Variants in PPP4R3B observed in about 807,000 individuals in gnomAD.
PPP4R3B encodes the protein protein phosphatase 4 regulatory subunit 3B.
Under a neutral mutation model 95.4 loss-of-function variants are expected in PPP4R3B, and 52 were observed. The ratio of observed to expected loss-of-function variants is 0.54; its 90% CI spans 0.44 to 0.69. The LOEUF (loss-of-function observed/expected upper bound fraction) is 0.69, where lower values mean the gene tolerates loss of function less well. Among genes scored for constraint, PPP4R3B ranks in the 30% least tolerant of loss-of-function variants. PPP4R3B has a pLI of 0.00. For missense variants in PPP4R3B, 1,003 were observed against 1,005.9 expected (o/e 1.00, Z 0.04); for synonymous variants, 407 against 343.9 (o/e 1.18, Z -2.03).
intron 10 of PPP4R3B, 84 bp from the exon 11 acceptor site, chr2:55,577,440 T>A (rs545446340): frequency 1.6e-6 from 2 of 1,222,720 alleles, no homozygotes; most frequent in Admixed American, 3.9e-5. Flanking sequence ...ATACAATGCA[T>A]GTCTTCAATC....
intron 12 of PPP4R3B, among the ~76,000 whole-genome samples, chr2:55,569,470 T>C (rs570469577): frequency 1.3e-5 from 2 of 152,348 alleles, no homozygotes; most frequent in South Asian, 2.1e-4. Context: ...TCCACCTTTA[T>C]GTTCCATCCT....
rs745737853 is a variant in PPP4R3B at position 55,550,002 on chromosome 2, C to G, written c.2459G>C (p.Ser820Thr). 3 of 1,601,620 alleles carry G rather than the reference C, an allele frequency of 1.9e-6. No individual in the cohort carries two copies. Among genetic ancestry groups the G allele is most frequent in the Non-Finnish European group, 2.5e-6 (3 of 1,177,026 alleles). Residue 820 changes from serine (S) to threonine (T), a missense_variant, in exon 17 of 17, where the codon AGT becomes ACT. Transcript: ENST00000616407. ...LPTSVTATKGSLVGLVDYPDD... is the reference protein window; with the variant it reads ...LPTSVTATKGTLVGLVDYPDD... ...TGGATAATCCACTAAGCCAACCAAA[C>G]TTCCCTATTGAAGAATTTAAAAATT...
chr2:55,593,450 C>T (rs1385550792), intron 4 of PPP4R3B, among the ~76,000 whole-genome samples: 2 of 152,162 alleles, frequency 1.3e-5, no homozygotes, highest in South Asian at 2.1e-4. Flanking sequence ...CTTACATATT[C>T]ACTTGCCTTC....
chr2:55,617,378 G>T lies in PPP4R3B; in HGVS notation c.-93C>A. The T allele has an allele frequency of 7.3e-7, 1 of 1,360,808 alleles. No individual in the cohort carries two copies. Among genetic ancestry groups the T allele is most frequent in the African/African-American group, 1.5e-5 (1 of 67,562 alleles). 84.3% of individuals were successfully genotyped at this position (1,360,808 alleles called of 1,614,324 possible). On this transcript the variant is annotated 5_prime_UTR_variant, in exon 1 of 17. Coordinates refer to ENST00000616407, the MANE Select transcript of PPP4R3B (RefSeq NM_001122964.3). ...AGGAGACGGTAAAGGCAGTAGTGGC[G>T]GTGGCGGCGGCGGCGGCTTCGGAGA...
chr2:55,596,239 G>A (rs1574855693), intron 4 of PPP4R3B, among the ~76,000 whole-genome samples: 1 of 152,150 alleles, frequency 6.6e-6, no homozygotes, highest in East Asian at 1.9e-4. Context: ...TGAGGCCGAA[G>A]CAAATCTGAC....
intron 16 of PPP4R3B, among the ~76,000 whole-genome samples, chr2:55,552,287 G>T (rs1685339119): frequency 6.6e-6 from 1 of 151,676 alleles, no homozygotes; most frequent in Non-Finnish European, 1.5e-5. Flanking sequence ...TAAAATAGCA[G>T]ATTGAAATTA....
intron 2 of PPP4R3B, among the ~76,000 whole-genome samples, chr2:55,611,873 T>C (rs749217405): frequency 2.0e-5 from 3 of 152,028 alleles, no homozygotes; most frequent in Non-Finnish European, 4.4e-5. Context: ...GCACTATAGC[T>C]GCGCACCACC....
chr2:55,600,206 C>G (rs1692346868), intron 3 of PPP4R3B, among the ~76,000 whole-genome samples: 1 of 152,036 alleles, frequency 6.6e-6, no homozygotes, highest in Admixed American at 6.6e-5. Flanking sequence ...TTGGGCGGAT[C>G]ACCTGAGGTC....
intron 15 of PPP4R3B, 86 bp from the exon 16 acceptor site, chr2:55,559,054 T>C (rs1009782768): frequency 6.2e-6 from 7 of 1,120,248 alleles, no homozygotes; most frequent in African/African-American, 1.6e-5. Flanking sequence ...AAAAAACTTA[T>C]AAAACATTGC....
At position 55,599,116 on chromosome 2, in the gene PPP4R3B, A is replaced by G. The variant is rs1692207550; in HGVS notation, c.298-77T>C. 3.0e-6 allele frequency: 4 copies of G among 1,314,400 alleles called. No individual in the cohort carries two copies. In the South Asian group the frequency reaches 6.0e-5, roughly 20 times the overall value. The allele number at this position is 1,314,400 out of a possible 1,614,324, so 81.4% of individuals were successfully genotyped here. A position where few individuals can be genotyped will look rare whatever the true frequency, so the allele number is the denominator to read the frequency against. Reference sequence around the variant, plus strand: ...AAATTTTGGAAATCAAATCATTTGGAAATGCCTGGCTAGTCACTACTAATT... The same window carrying G: ...AAATTTTGGAAATCAAATCATTTGGGAATGCCTGGCTAGTCACTACTAATT... On this transcript the variant is annotated intron_variant, in intron 3 of 16. Coordinates refer to ENST00000616407, the MANE Select transcript of PPP4R3B (RefSeq NM_001122964.3).
chr2:55,572,203 C>G (rs1258257832), intron 12 of PPP4R3B, among the ~76,000 whole-genome samples: 3 of 143,604 alleles, frequency 2.1e-5, no homozygotes, highest in Non-Finnish European at 4.6e-5. Flanking sequence ...GTGAGAATAT[C>G]TGCATAATCT....
In PPP4R3B at chr2:55,598,558, C is replaced by T. The variant is rs1429774159; in HGVS notation, c.779G>A (p.Arg260Lys). 9.9e-6 allele frequency: 16 copies of T among 1,614,102 alleles called. No individual in the cohort carries two copies. Among genetic ancestry groups the T allele is most frequent in the Non-Finnish European group, 1.4e-5 (16 of 1,180,020 alleles). ...CCTGTAAGTCTGATGTATTTTTTGC[C>T]TTAGTTCAGAGTCTGTTATTGGTAT... ...EVIPITDSEL[R>K]QKIHQTYRVQ... Residue 260 changes from arginine to lysine, a missense_variant, in exon 4 of 17, where the codon AGG (arginine) becomes AAG (lysine). Arg to Lys is a conservative substitution (Grantham distance 26). Coordinates refer to ENST00000616407, the MANE Select transcript of PPP4R3B (RefSeq NM_001122964.3).
chr2:55,602,532 T>C (rs1179631693), intron 3 of PPP4R3B, among the ~76,000 whole-genome samples: 1 of 152,216 alleles, frequency 6.6e-6, no homozygotes, highest in Admixed American at 6.5e-5. Flanking sequence ...TCTTGACCTC[T>C]GGAGGTGCTG....
chr2:55,568,600 A>C (rs1687594238), intron 12 of PPP4R3B, among the ~76,000 whole-genome samples: 1 of 152,256 alleles, frequency 6.6e-6, no homozygotes, highest in Non-Finnish European at 1.5e-5. Flanking sequence ...TGTAGCCAGA[A>C]CTAACAACAA....
At chr2:55,595,134 C>T (rs1240633803) in intron 4 of PPP4R3B, among the ~76,000 whole-genome samples, 3 of 151,892 alleles carry the variant, frequency 2.0e-5, no homozygotes, top group East Asian at 2.0e-4. Flanking sequence ...AGCAATTCTC[C>T]CACTTCAGCT....
chr2:55,572,422 A>G (rs1263061077), intron 12 of PPP4R3B, among the ~76,000 whole-genome samples: 1 of 152,202 alleles, frequency 6.6e-6, no homozygotes, highest in African/African-American at 2.4e-5. Flanking sequence ...AGCTCTAAGA[A>G]AAAGATAACT....
Position 55,579,670 on chromosome 2 carries a change from A to T in PPP4R3B, c.1468+9T>A. 6.6e-7 allele frequency: 1 copy of T among 1,526,652 alleles called. No individual in the cohort carries two copies. The highest frequency in any genetic ancestry group is 8.8e-7 in the Non-Finnish European group (1 of 1,136,106). 94.6% of individuals were successfully genotyped at this position (1,526,652 alleles called of 1,614,324 possible). A position where few individuals can be genotyped will look rare whatever the true frequency, so the allele number is the denominator to read the frequency against. On this transcript the variant is annotated intron_variant, in intron 9 of 16. Coordinates refer to ENST00000616407, the MANE Select transcript of PPP4R3B (RefSeq NM_001122964.3). ...CAGAAATCACAGCAGATAAATAAAG[A>T]GACCCTACCCTTTTCACATTTGTCT...
chr2:55,600,426 C>CAAAAAA (rs60764774), intron 3 of PPP4R3B, among the ~76,000 whole-genome samples: 1,463 of 22,214 alleles, frequency 0.066, 543 homozygotes, highest in Middle Eastern at 0.2. Flanking sequence ...AACTCTGTCT[C>CAAAAAA]AAAAAAAAAA....
chr2:55,611,057 T>C (rs1694099540), intron 2 of PPP4R3B, among the ~76,000 whole-genome samples: 1 of 152,108 alleles, frequency 6.6e-6, no homozygotes, highest in Non-Finnish European at 1.5e-5. Flanking sequence ...AGTGAGAGTC[T>C]CAGTATGTTG....
Sources: gnomAD v4.1 joint callset for allele counts (sites outside exome capture counted in the v4.1 genomes callset) on GRCh38, gnomAD v4.1.1 for gene constraint, MANE v1.5 for transcripts, NCBI Gene and HGNC (gene_info 2026-07-23, HGNC 2026-07-21) for gene names.